LPIN3: variants seen among roughly 807,000 people sequenced by gnomAD.
The protein encoded by LPIN3 is lipin 3.
Under a neutral mutation model 94.7 loss-of-function variants are expected in LPIN3, and 82 were observed. The observed-to-expected ratio is 0.87, with a 90% confidence interval of 0.72 to 1.04. The LOEUF (loss-of-function observed/expected upper bound fraction) is 1.04. Among genes scored for constraint, LPIN3 ranks in the 50% least tolerant of loss-of-function variants. The pLI, the probability that LPIN3 is intolerant of heterozygous loss-of-function variation, is 0.00. For synonymous variants in LPIN3, 418 were observed against 443.3 expected, an observed-to-expected ratio of 0.94 and a Z score of 0.72; for missense variants, 996 against 1,090.5, an observed-to-expected ratio of 0.91 and a Z score of 1.22.
intron 2 of LPIN3, 24 bp from the exon 3 acceptor site, chr20:41,347,528 C>T (rs750682543): frequency 1.2e-6 from 2 of 1,611,588 alleles, no homozygotes; most frequent in East Asian, 2.2e-5. Flanking sequence ...GGCCCATGTC[C>T]CTGCCACCGC....
chr20:41,347,974 A>C (rs1376520831), intron 3 of LPIN3, among the ~76,000 whole-genome samples: 2 of 152,196 alleles, frequency 1.3e-5, no homozygotes, highest in Non-Finnish European at 2.9e-5. Context: ...GGAGCTGAAG[A>C]AAGGGGCTGG....
chr20:41,347,380 G>A (rs1419909181), intron 2 of LPIN3, among the ~76,000 whole-genome samples, 172 bp from the exon 3 acceptor site: 1 of 152,196 alleles, frequency 6.6e-6, no homozygotes, highest in African/African-American at 2.4e-5. Context: ...GGGAGATGCA[G>A]CAGAGCCCCC....
rs111716160 is a variant in LPIN3, at chr20:41,357,945, G to C, written c.2103G>C (p.Gly701=). The C allele has an allele frequency of 1.2e-6, 2 of 1,613,884 alleles. No homozygotes were observed. The highest frequency in any genetic ancestry group is 1.3e-5 in the African/African-American group (1 of 74,934). The change falls in exon 17 of 20, where the codon GGG becomes GGC. Residue 701 remains glycine (G), a synonymous_variant. Transcript: ENST00000373257. ...RAIGMADLTK[G]YLQWVSEGGC... ...TTGGCATGGCGGACCTCACCAAGGGGTACCTGCAGTGGGTGAGCGAGGGGG... is the reference window on the plus strand; with the variant it reads ...TTGGCATGGCGGACCTCACCAAGGGCTACCTGCAGTGGGTGAGCGAGGGGG...
rs2046197203 is a variant in LPIN3 at position 41,356,027 on chromosome 20, A to G, written c.1796A>G (p.Asp599Gly). 1.9e-6 allele frequency: 3 copies of G among 1,613,772 alleles called. No individual in the cohort carries two copies. The highest frequency in any genetic ancestry group is 2.5e-6 in the Non-Finnish European group (3 of 1,179,790). Residue 599 changes from aspartate to glycine, a missense_variant, in exon 14 of 20, where the codon GAT (aspartate) becomes GGT (glycine). Coordinates refer to ENST00000373257, the MANE Select transcript of LPIN3 (RefSeq NM_022896.3). ...TYKKSLRLSS[D>G]QIRRLNLQEG... ...AAGAAGTCCCTCCGCCTCTCCTCCG[A>G]TCAGATCGTAAGTGTGGGTTGTCTG... is the stretch of plus-strand genomic sequence containing the variant.
chr20:41,350,109 G>A lies in LPIN3; in HGVS notation c.814G>A (p.Ala272Thr). ...SSVVLEGRAG[A>T]TSPPRGGPST... ...AGTGGTCCTTGAAGGCAGAGCTGGG[G>A]CAACCTCTCCTCCTCGGGGAGGACC... Residue 272 changes from alanine to threonine, a missense_variant, in exon 7 of 20, where the codon GCA (alanine) becomes ACA (threonine). Ala to Thr is a moderately conservative substitution (Grantham distance 58). Coordinates refer to ENST00000373257, the MANE Select transcript of LPIN3 (RefSeq NM_022896.3). 6.2e-7 allele frequency: 1 copy of A among 1,611,150 alleles called. No homozygotes were observed.
chr20:41,352,583 C>A, intron 9 of LPIN3, 23 bp from the exon 10 acceptor site: 1 of 1,602,334 alleles, frequency 6.2e-7, no homozygotes, highest in Non-Finnish European at 8.6e-7. Context: ...CAGCCTCACC[C>A]CTCACTCTGC....
intron 2 of LPIN3, among the ~76,000 whole-genome samples, chr20:41,346,634 C>T (rs1395549414): frequency 6.6e-6 from 1 of 151,950 alleles, no homozygotes; most frequent in Non-Finnish European, 1.5e-5. Flanking sequence ...CCAGCCACTC[C>T]GGAGGCTGAG....
rs182571529 is a variant in LPIN3 at position 41,357,480 on chromosome 20, G to A, written c.2039+33G>A. ...CCTGGGCTGGGGCTGGGGCTGAGGCGAGGCCCCCAGCTCTAGAGAGGGAGT... is the reference window on the plus strand; with the variant it reads ...CCTGGGCTGGGGCTGGGGCTGAGGCAAGGCCCCCAGCTCTAGAGAGGGAGT... On this transcript the variant is annotated intron_variant, in intron 16 of 19. Transcript: ENST00000373257. 1.4e-5 allele frequency: 22 copies of A among 1,551,796 alleles called. 1 individual carries two copies. Among genetic ancestry groups the A allele is most frequent in the South Asian group, 1.2e-4 (11 of 89,508 alleles).
In LPIN3 at chr20:41,352,602, C is replaced by T. The variant is rs2046063029; in HGVS notation, c.1364-4C>T. ...CTCACCCCTCACTCTGCCTCTGTGC[C>T]CAGAGAAATTCAACCAGCACAGCGT... is the stretch of plus-strand genomic sequence containing the variant. On this transcript the variant is annotated splice_polypyrimidine_tract_variant and splice_region_variant and intron_variant, in intron 9 of 19. Transcript: ENST00000373257. The T allele has an allele frequency of 2.5e-6, 4 of 1,613,004 alleles. No individual in the cohort carries two copies. In the South Asian group the frequency reaches 3.3e-5, roughly 13 times the overall value.
At chr20:41,353,805 T>A (rs576198063) in intron 11 of LPIN3, among the ~76,000 whole-genome samples, 1 of 152,344 alleles carries the variant, frequency 6.6e-6, no homozygotes, top group African/African-American at 2.4e-5. Context: ...CTAACAGATG[T>A]TGACAGCTGT....
In LPIN3 at chr20:41,360,121, G is replaced by A. The variant is rs918976511; in HGVS notation, c.*1255G>A. ...CTGCTGTGGGGGAAACTGAGGCTGGGAGCCTCAGCAGAGACCGGTGTCAAG... is the reference window on the plus strand; with the variant it reads ...CTGCTGTGGGGGAAACTGAGGCTGGAAGCCTCAGCAGAGACCGGTGTCAAG... On this transcript the variant is annotated 3_prime_UTR_variant, in exon 20 of 20. Transcript: ENST00000373257. 5.9e-5 allele frequency: 9 copies of A among 152,644 alleles called. No individual in the cohort carries two copies. Among genetic ancestry groups the A allele is most frequent in the African/African-American group, 1.9e-4 (8 of 41,452 alleles). The allele number at this position is 152,644 out of a possible 1,614,324, so 9.5% of individuals were successfully genotyped here.
chr20:41,358,434 C>T lies in LPIN3; in HGVS notation c.2308-5C>T, dbSNP rs769562939. 5 of 1,613,474 alleles carry T rather than the reference C, an allele frequency of 3.1e-6. No individual in the cohort carries two copies. The highest frequency in any genetic ancestry group is 2.2e-5 in the South Asian group (2 of 91,064). ...CATTCCATGGGCCCCTCCTGTCTCC[C>T]ACAGGATGTCTTTGCCTACCGGCAG... On this transcript the variant is annotated splice_polypyrimidine_tract_variant and splice_region_variant and intron_variant, in intron 18 of 19. Coordinates refer to ENST00000373257, the MANE Select transcript of LPIN3 (RefSeq NM_022896.3).
intron 2 of LPIN3, 34 bp downstream of exon 2, chr20:41,346,029 A>G (rs981910645): frequency 1.3e-5 from 21 of 1,595,004 alleles, no homozygotes; most frequent in Non-Finnish European, 1.7e-5. Context: ...TGGCTACTGC[A>G]GAGTGGGCTT....
Position 41,350,296 on chromosome 20 carries a change from C to G in LPIN3, c.1001C>G (p.Ser334Cys). The change falls in exon 7 of 20, where the codon TCT becomes TGT. Residue 334 changes from serine (S) to cysteine (C), a missense_variant. Transcript: ENST00000373257. ...PETEESKTQS[S>C]GDMGLPPASK... ...ACAGAGGAAAGCAAGACTCAGAGCT[C>G]TGGGGACATGGGCCTCCCTCCTGCC... 1 of 1,613,046 alleles carries G rather than the reference C, an allele frequency of 6.2e-7. No homozygotes were observed.
chr20:41,348,753 G>A lies in LPIN3; in HGVS notation c.423G>A (p.Arg141=), dbSNP rs1362479452. ...LVMAGTASTG[R]RKRRRRRKPK... ...TGGCAGGCACGGCCTCCACTGGGCG[G>A]AGGAAGAGGCGTCGCAGGAGGAAAC... The change falls in exon 4 of 20, where the codon CGG becomes CGA. Residue 141 remains arginine, a synonymous_variant. Coordinates refer to ENST00000373257, the MANE Select transcript of LPIN3 (RefSeq NM_022896.3). 1.2e-6 allele frequency: 2 copies of A among 1,613,414 alleles called. No homozygotes were observed. Among genetic ancestry groups the A allele is most frequent in the Admixed American group, 1.7e-5 (1 of 59,876 alleles).
chr20:41,355,575 C>T (rs187661305), intron 13 of LPIN3, among the ~76,000 whole-genome samples: 36 of 152,306 alleles, frequency 2.4e-4, no homozygotes, highest in Middle Eastern at 3.4e-3. Flanking sequence ...GATGGCCTGA[C>T]TGAAACCAAA....
chr20:41,359,270 G>A lies in LPIN3; in HGVS notation c.*404G>A, dbSNP rs2046322104. On this transcript the variant is annotated 3_prime_UTR_variant, in exon 20 of 20. Coordinates refer to ENST00000373257, the MANE Select transcript of LPIN3 (RefSeq NM_022896.3). Reference sequence around the variant, plus strand: ...CCTGCCTCAGCCTCCCAAGTAGCTGGGATTACAGGCGTGTACCACCACGCC... The same window carrying A: ...CCTGCCTCAGCCTCCCAAGTAGCTGAGATTACAGGCGTGTACCACCACGCC... 6.4e-6 allele frequency: 1 copy of A among 155,180 alleles called. No homozygotes were observed. Among genetic ancestry groups the A allele is most frequent in the African/African-American group, 2.4e-5 (1 of 41,390 alleles). The allele number at this position is 155,180 out of a possible 1,614,324, so 9.6% of individuals were successfully genotyped here.
At chr20:41,355,006 CT>C in intron 13 of LPIN3, 143 bp downstream of exon 13, 1 of 774,912 alleles carries the variant, frequency 1.3e-6, no homozygotes, top group Non-Finnish European at 2.0e-6. Context: ...CCAAGCACTT[CT>C]TTTTTTGTTG....
intron 2 of LPIN3, among the ~76,000 whole-genome samples, chr20:41,346,505 C>G (rs987319242): frequency 2.0e-5 from 3 of 152,350 alleles, no homozygotes; most frequent in Admixed American, 2.0e-4. Flanking sequence ...CTTTGGGAGG[C>G]CGACGCTGGT....
Sources: gnomAD v4.1 joint callset for allele counts (sites outside exome capture counted in the v4.1 genomes callset) on GRCh38, gnomAD v4.1.1 for gene constraint, MANE v1.5 for transcripts, NCBI Gene and HGNC (gene_info 2026-07-23, HGNC 2026-07-21) for gene names.